Variants in TDRP observed in about 807,000 individuals in gnomAD.
The protein encoded by TDRP is testis development related protein.
TDRP carries 12 observed loss-of-function variants against 10.5 expected under a neutral mutation model. That is an observed-to-expected ratio of 1.15 (90% confidence interval 0.73 to 1.86). The LOEUF is 1.86. Ranked by LOEUF, TDRP falls within the 40% of genes most tolerant of loss-of-function variation. TDRP has a pLI of 0.00. For synonymous variants in TDRP, 139 were observed against 95.4 expected, an observed-to-expected ratio of 1.46 and a Z score of -2.67; for missense variants, 353 against 229.2, an observed-to-expected ratio of 1.54 and a Z score of -3.49.
At chr8:532,563 T>C (rs776988374) in intron 1 of TDRP, among the ~76,000 whole-genome samples, 107 of 152,206 alleles carry the variant, frequency 7.0e-4, no homozygotes, top group Non-Finnish European at 1.4e-3. Flanking sequence ...AATAAGACCA[T>C]TTATGCAAAA....
At chr8:528,900 C>A (rs1043964950) in intron 1 of TDRP, among the ~76,000 whole-genome samples, 1 of 152,046 alleles carries the variant, frequency 6.6e-6, no homozygotes, top group Admixed American at 6.6e-5. Flanking sequence ...CTCACACAAT[C>A]ACAAGGTCCC....
Position 492,551 on chromosome 8 carries a change from A to G in TDRP, c.406T>C (p.Trp136Arg). ...TVGGHPSWSGWEDDAKGSTKY... is the reference protein window; with the variant it reads ...TVGGHPSWSGREDDAKGSTKY... ...GTCGAGCCCTTGGCGTCATCCTCCC[A>G]GCCTGACCAGGATGGGTGGCCACCC... The change falls in exon 3 of 3, where the codon TGG becomes CGG. Residue 136 changes from tryptophan (W) to arginine (R), a missense_variant. Transcript: ENST00000324079. 1.9e-6 allele frequency: 3 copies of G among 1,612,536 alleles called. No individual in the cohort carries two copies. The highest frequency in any genetic ancestry group is 2.5e-6 in the Non-Finnish European group (3 of 1,179,138).
At chr8:503,687 C>T (rs747753045) in intron 1 of TDRP, among the ~76,000 whole-genome samples, 16 of 133,380 alleles carry the variant, frequency 1.2e-4, no homozygotes, top group Non-Finnish European at 2.2e-4. Context: ...ACGGAATCCA[C>T]GCCCACATCA....
chr8:495,268 T>A (rs942705218), intron 1 of TDRP, among the ~76,000 whole-genome samples: 1 of 151,946 alleles, frequency 6.6e-6, no homozygotes, highest in Non-Finnish European at 1.5e-5. Context: ...ACAAAACACA[T>A]AGGAGACTGA....
intron 1 of TDRP, among the ~76,000 whole-genome samples, chr8:509,264 G>T (rs916657833): frequency 2.6e-5 from 4 of 152,172 alleles, no homozygotes; most frequent in African/African-American, 9.7e-5. Context: ...ACACTAGACA[G>T]TGCCCCAGAG....
At chr8:541,173 G>C (rs950509378) in intron 1 of TDRP, among the ~76,000 whole-genome samples, 1 of 152,178 alleles carries the variant, frequency 6.6e-6, no homozygotes, top group Admixed American at 6.5e-5. Context: ...ATAAAGATCA[G>C]TCCTCTTGAA....
Position 494,598 on chromosome 8 carries a change from C to T in TDRP, c.109-1G>A. On this transcript the variant is annotated splice_acceptor_variant, in intron 1 of 2. Coordinates refer to ENST00000324079, the MANE Select transcript of TDRP (RefSeq NM_001384899.1). LOFTEE classifies it high-confidence loss of function. ...AACCTCGGAAACTTGCTCCCTGAACCTAATAAAAGGTTAAGAAAAATGTCA... is the reference window on the plus strand; with the variant it reads ...AACCTCGGAAACTTGCTCCCTGAACTTAATAAAAGGTTAAGAAAAATGTCA... 1 of 1,613,370 alleles carries T rather than the reference C, an allele frequency of 6.2e-7. No individual in the cohort carries two copies. Among genetic ancestry groups the T allele is most frequent in the Non-Finnish European group, 8.5e-7 (1 of 1,179,562 alleles).
At chr8:543,470 G>A (rs1395762289) in intron 1 of TDRP, among the ~76,000 whole-genome samples, 1 of 151,804 alleles carries the variant, frequency 6.6e-6, no homozygotes, top group Non-Finnish European at 1.5e-5. Context: ...TGTAGCTTCT[G>A]CAGTTAACTC....
At position 502,298 on chromosome 8, in the gene TDRP, T is replaced by A. The variant is rs145860230; in HGVS notation, c.109-7701A>T. 9.8e-5 allele frequency among the ~76,000 whole-genome samples: 15 copies of A among 152,320 alleles called. No homozygotes were observed. The East Asian group carries it at 2.9e-3, about 29-fold the overall frequency. On this transcript the variant is annotated intron_variant, in intron 1 of 2. Coordinates refer to ENST00000324079, the MANE Select transcript of TDRP (RefSeq NM_001384899.1). ...GGAAAACATTGGTTGATGAACCCAG[T>A]CCTGACATCCAAGTCAAACTGTGAG...
chr8:516,626 G>A (rs181486831), intron 1 of TDRP, among the ~76,000 whole-genome samples: 1 of 152,272 alleles, frequency 6.6e-6, no homozygotes, highest in African/African-American at 2.4e-5. Flanking sequence ...CAAGGACATG[G>A]AGCAGCAGGA....
intron 1 of TDRP, among the ~76,000 whole-genome samples, chr8:514,981 T>C (rs1801719573): frequency 1.3e-5 from 2 of 152,202 alleles, no homozygotes; most frequent in South Asian, 2.1e-4. Flanking sequence ...GGAAAAGTCA[T>C]ACAATTCAGA....
At chr8:503,601 C>T (rs1801369295) in intron 1 of TDRP, among the ~76,000 whole-genome samples, 3 of 147,922 alleles carry the variant, frequency 2.0e-5, no homozygotes, top group African/African-American at 7.9e-5. Flanking sequence ...GAACCTGTAC[C>T]CACCTCAGCA....
chr8:499,185 G>T lies in TDRP; in HGVS notation c.109-4588C>A, dbSNP rs1485875617. On this transcript the variant is annotated intron_variant, in intron 1 of 2. Coordinates refer to ENST00000324079, the MANE Select transcript of TDRP (RefSeq NM_001384899.1). ...CCATTGAAATTATTAGGAATAAGAT[G>T]CCAAAAAAATAGTCTCTAGTTTATG... is the stretch of plus-strand genomic sequence containing the variant. Among the ~76,000 whole-genome samples, 7 of 152,232 alleles carry T rather than the reference G, an allele frequency of 4.6e-5. No individual in the cohort carries two copies. In the East Asian group the frequency reaches 7.7e-4, roughly 17 times the overall value.
intron 1 of TDRP, among the ~76,000 whole-genome samples, chr8:498,639 T>C (rs543459669): frequency 3.2e-4 from 49 of 152,162 alleles, no homozygotes; most frequent in Non-Finnish European, 6.2e-4. Context: ...TGGGGGATTG[T>C]TGGGAAGGCA....
intron 1 of TDRP, among the ~76,000 whole-genome samples, chr8:532,995 A>C (rs958941600): frequency 6.6e-6 from 1 of 152,116 alleles, no homozygotes; most frequent in Admixed American, 6.5e-5. Flanking sequence ...CCTTACTTAA[A>C]ACAGGAAGTC....
At chr8:507,030 G>A (rs778353055) in intron 1 of TDRP, among the ~76,000 whole-genome samples, 1 of 152,186 alleles carries the variant, frequency 6.6e-6, no homozygotes, top group African/African-American at 2.4e-5. Flanking sequence ...AGCATGGCTG[G>A]GAAGCTTTGG....
intron 1 of TDRP, among the ~76,000 whole-genome samples, chr8:520,408 A>G (rs1205190952): frequency 1.3e-5 from 2 of 152,210 alleles, no homozygotes; most frequent in African/African-American, 2.4e-5. Context: ...TGTAATGAAC[A>G]TGGGTGTGCA....
intron 1 of TDRP, among the ~76,000 whole-genome samples, chr8:525,173 A>C (rs1802004879): frequency 6.6e-6 from 1 of 152,138 alleles, no homozygotes; most frequent in South Asian, 2.1e-4. Context: ...GACATAATTA[A>C]AGTGCTGAAG....
intron 1 of TDRP, among the ~76,000 whole-genome samples, chr8:536,665 T>C (rs1032417893): frequency 1.3e-5 from 2 of 152,340 alleles, no homozygotes; most frequent in South Asian, 4.1e-4. Context: ...TACCTATTGA[T>C]GTAATATGCT....
Sources: allele counts gnomAD v4.1 joint callset (sites outside exome capture counted in the v4.1 genomes callset), GRCh38; gene constraint gnomAD v4.1.1; transcripts MANE v1.5; gene names NCBI Gene and HGNC (gene_info 2026-07-23, HGNC 2026-07-21).